The following KIAA0825 variants were observed in gnomAD, a reference collection of about 807,000 sequenced individuals.
KIAA0825 encodes the protein uncharacterized protein KIAA0825.
KIAA0825 carries 119 observed loss-of-function variants against 147.6 expected under a neutral mutation model. The ratio of observed to expected loss-of-function variants is 0.81; its 90% CI spans 0.69 to 0.94. The LOEUF (loss-of-function observed/expected upper bound fraction) is 0.94. Among genes scored for constraint, KIAA0825 ranks in the 40% least tolerant of loss-of-function variants. The pLI is 0.00. For missense variants in KIAA0825, 1,381 were observed against 1,472.7 expected (o/e 0.94, Z 1.02); for synonymous variants, 470 against 518.1 (o/e 0.91, Z 1.26).
At chr5:94,193,568 G>A (rs1012477183) in intron 20 of KIAA0825, among the ~76,000 whole-genome samples, 1 of 152,186 alleles carries the variant, frequency 6.6e-6, no homozygotes, top group East Asian at 1.9e-4. Context: ...TCAATTCTTT[G>A]TACTCTGTGC....
intron 20 of KIAA0825, among the ~76,000 whole-genome samples, chr5:94,169,470 A>G (rs1350550216): frequency 6.6e-6 from 1 of 150,704 alleles, no homozygotes; most frequent in Non-Finnish European, 1.5e-5. Context: ...TAATCCCAGC[A>G]TTTTGGGAGG....
At chr5:94,533,542 T>C (rs1320954445) in intron 3 of KIAA0825, among the ~76,000 whole-genome samples, 1 of 152,178 alleles carries the variant, frequency 6.6e-6, no homozygotes, top group Non-Finnish European at 1.5e-5. Flanking sequence ...CCAAAAGTGC[T>C]GGGATTACAG....
At chr5:94,208,134 C>T (rs1205516386) in intron 20 of KIAA0825, among the ~76,000 whole-genome samples, 2 of 151,966 alleles carry the variant, frequency 1.3e-5, no homozygotes, top group Non-Finnish European at 2.9e-5. Flanking sequence ...AGAATATCAA[C>T]AAATATTCTT....
rs1376456262 is a variant in KIAA0825, at chr5:94,580,591, A to G, written c.-2+1842T>C. ...TACTAGGTTTTTTAAAAAATGCATA[A>G]CACGGCCGGGCGCGGTGGCTCACGC... On this transcript the variant is annotated intron_variant, in intron 2 of 20. Transcript: ENST00000682413. Among the ~76,000 whole-genome samples, 9 of 98,764 alleles carry G rather than the reference A, an allele frequency of 9.1e-5. 2 individuals carry two copies. In the South Asian group the frequency reaches 2.2e-3, roughly 24 times the overall value. 64.8% of individuals were successfully genotyped at this position (98,764 alleles called of 152,430 possible).
chr5:94,569,296 TA>T, intron 2 of KIAA0825: 2 of 312,038 alleles, frequency 6.4e-6, no homozygotes. Context: ...TAAATAAATT[TA>T]AAAAAACCAT....
At position 94,269,519 on chromosome 5, in the gene KIAA0825, C is replaced by T. The variant is rs536082797; in HGVS notation, c.3710+114849G>A. Reference sequence around the variant, plus strand: ...TTTTTAAAAATCCATCTATCTGTTGCTATAAGAAACATATGGAAATTAAAC... The same window carrying T: ...TTTTTAAAAATCCATCTATCTGTTGTTATAAGAAACATATGGAAATTAAAC... On this transcript the variant is annotated intron_variant, in intron 20 of 20. Transcript: ENST00000682413. Among the ~76,000 whole-genome samples the T allele has an allele frequency of 7.1e-4, 108 of 151,868 alleles. 1 individual carries two copies. Among genetic ancestry groups the T allele is most frequent in the African/African-American group, 2.6e-3 (107 of 41,414 alleles).
intron 2 of KIAA0825, 65 bp downstream of exon 2, chr5:94,582,368 G>C (rs1782360780): frequency 6.6e-6 from 1 of 152,074 alleles, no homozygotes. Flanking sequence ...AATTATAGAA[G>C]CTTTCAAGGA....
intron 3 of KIAA0825, among the ~76,000 whole-genome samples, chr5:94,535,586 G>A (rs11956390): frequency 0.013 from 2,005 of 149,400 alleles, 34 homozygotes; most frequent in African/African-American, 0.036. Context: ...TAGATATGCC[G>A]TTTGTCAGCA....
chr5:94,610,656 C>A (rs761043865), intron 1 of KIAA0825, among the ~76,000 whole-genome samples: 1 of 142,630 alleles, frequency 7.0e-6, no homozygotes, highest in African/African-American at 2.6e-5. Context: ...CCCAGCTACT[C>A]GGGAGGCTGA....
At chr5:94,431,304 G>C (rs1755630692) in intron 14 of KIAA0825, among the ~76,000 whole-genome samples, 1 of 152,190 alleles carries the variant, frequency 6.6e-6, no homozygotes, top group Non-Finnish European at 1.5e-5. Context: ...AGTTTAGAGA[G>C]ATCAATGAAT....
chr5:94,221,879 T>G (rs1219291673), intron 20 of KIAA0825, among the ~76,000 whole-genome samples: 2 of 152,132 alleles, frequency 1.3e-5, no homozygotes, highest in Non-Finnish European at 2.9e-5. Flanking sequence ...CTATGTAAGG[T>G]TTAGGAAGTT....
intron 1 of KIAA0825, among the ~76,000 whole-genome samples, chr5:94,606,737 T>C (rs1787557373): frequency 6.6e-6 from 1 of 152,160 alleles, no homozygotes; most frequent in Non-Finnish European, 1.5e-5. Flanking sequence ...TAAAGGGACT[T>C]AAAGAAATTT....
intron 20 of KIAA0825, among the ~76,000 whole-genome samples, chr5:94,343,297 T>G (rs1332202851): frequency 2.6e-5 from 4 of 152,088 alleles, no homozygotes; most frequent in Middle Eastern, 6.8e-3. Context: ...AAGGTTTATT[T>G]AAAAGGGCAG....
chr5:94,200,245 A>G (rs751610270), intron 20 of KIAA0825, among the ~76,000 whole-genome samples: 13 of 152,152 alleles, frequency 8.5e-5, no homozygotes, highest in Non-Finnish European at 1.8e-4. Context: ...GAGATCCGTG[A>G]TAAGAGTGGG....
chr5:94,382,278 A>T (rs74819194), intron 20 of KIAA0825, among the ~76,000 whole-genome samples: 2 of 152,194 alleles, frequency 1.3e-5, no homozygotes, highest in South Asian at 2.1e-4. Flanking sequence ...CTAATTTTCA[A>T]GTATGTATCT....
intron 20 of KIAA0825, among the ~76,000 whole-genome samples, chr5:94,255,483 C>G (rs1170699456): frequency 1.3e-5 from 2 of 151,862 alleles, no homozygotes; most frequent in Admixed American, 6.6e-5. Flanking sequence ...CTCTGTGCAA[C>G]CCTGCACCAC....
At chr5:94,517,706 A>T (rs965644076) in intron 5 of KIAA0825, among the ~76,000 whole-genome samples, 8 of 150,822 alleles carry the variant, frequency 5.3e-5, no homozygotes, top group African/African-American at 1.9e-4. Context: ...TTTATTTTAA[A>T]TTATTTAAAT....
Position 94,477,189 on chromosome 5 carries a change from G to A in KIAA0825, c.1149C>T (p.Ser383=), listed in dbSNP as rs983572260. ...GTTTTTCCATTACAACCTCTCTATC[G>A]GATTTCTCCAAAATTCCTAAGCAAT... ...TRDTSGILEK[S]DREVVMEKPR... is the part of the protein sequence containing the mutation. Residue 383 remains serine (S), a synonymous_variant, in exon 7 of 21, where the codon TCC becomes TCT. Coordinates refer to ENST00000682413, the MANE Select transcript of KIAA0825 (RefSeq NM_001145678.3). 3.7e-5 allele frequency: 57 copies of A among 1,547,360 alleles called. No homozygotes were observed. The highest frequency in any genetic ancestry group is 7.9e-5 in the Admixed American group (4 of 50,598).
chr5:94,374,087 T>A (rs1270739153), intron 20 of KIAA0825, among the ~76,000 whole-genome samples: 1 of 152,154 alleles, frequency 6.6e-6, no homozygotes. Flanking sequence ...GAATAGTCAT[T>A]GAAAAAAAGA....
Sources: allele counts gnomAD v4.1 joint callset (sites outside exome capture counted in the v4.1 genomes callset), GRCh38; gene constraint gnomAD v4.1.1; transcripts MANE v1.5; gene names NCBI Gene and HGNC (gene_info 2026-07-23, HGNC 2026-07-21).